SPIDR: variants seen among roughly 807,000 people sequenced by gnomAD.
SPIDR encodes DNA repair-scaffolding protein.
Under a neutral mutation model 104.6 loss-of-function variants are expected in SPIDR, and 93 were observed. The ratio of observed to expected loss-of-function variants is 0.89; its 90% CI spans 0.75 to 1.06. The LOEUF is 1.06. SPIDR is among the 50% of genes least tolerant of loss of function. The probability of loss-of-function intolerance (pLI) is 0.00; values close to 1 mark genes in which losing one functional copy is unlikely to be tolerated. For missense variants in SPIDR, 1,154 were observed against 1,111.2 expected (o/e 1.04, Z -0.55); for synonymous variants, 431 against 416.9 (o/e 1.03, Z -0.41).
chr8:47,643,518 T>G (rs1588734270), intron 10 of SPIDR, among the ~76,000 whole-genome samples: 1 of 17,462 alleles, frequency 5.7e-5, no homozygotes, highest in Non-Finnish European at 1.2e-4. Context: ...CTGGCTAGTG[T>G]TGTTGTTGTT....
intron 8 of SPIDR, among the ~76,000 whole-genome samples, chr8:47,587,149 C>A (rs1031516728): frequency 3.3e-5 from 5 of 152,150 alleles, no homozygotes; most frequent in African/African-American, 1.2e-4. Context: ...TAAAGATTTT[C>A]TCTTAAATTT....
At chr8:47,702,411 A>G (rs1453546229) in intron 14 of SPIDR, among the ~76,000 whole-genome samples, 4 of 152,108 alleles carry the variant, frequency 2.6e-5, no homozygotes, top group Non-Finnish European at 5.9e-5. Context: ...GAGAAACCTC[A>G]TTTATGTGGT....
At chr8:47,331,965 C>CTTTTTTTTTTTTTATTTTTTTTTT (rs2048749405) in intron 5 of SPIDR, among the ~76,000 whole-genome samples, 1 of 32,702 alleles carries the variant, frequency 3.1e-5, no homozygotes, top group Non-Finnish European at 6.6e-5. Context: ...TTTTTTTAAA[C>CTTTTTTTTTTTTTATTTTTTTTTT]TTTTTTTTTT....
intron 7 of SPIDR, among the ~76,000 whole-genome samples, chr8:47,434,807 A>G (rs561598834): frequency 3.0e-4 from 46 of 152,262 alleles, no homozygotes; most frequent in Non-Finnish European, 5.7e-4. Flanking sequence ...CTCATATATT[A>G]ATTCAATATA....
intron 11 of SPIDR, among the ~76,000 whole-genome samples, chr8:47,699,466 C>T (rs986133999): frequency 2.6e-5 from 4 of 152,172 alleles, no homozygotes; most frequent in Non-Finnish European, 5.9e-5. Flanking sequence ...AGAGCCAGGT[C>T]TCGGAAGTGC....
At chr8:47,502,802 CT>C (rs2154372033) in intron 8 of SPIDR, among the ~76,000 whole-genome samples, 1 of 152,342 alleles carries the variant, frequency 6.6e-6, no homozygotes, top group Non-Finnish European at 1.5e-5. Flanking sequence ...CTACACACTG[CT>C]TTGAATATGT....
At chr8:47,596,055 A>C (rs769825154) in intron 9 of SPIDR, 49 bp downstream of exon 9, 1 of 1,531,118 alleles carries the variant, frequency 6.5e-7, no homozygotes, top group South Asian at 1.2e-5. Flanking sequence ...AATGTTAGTG[A>C]CTGGATTTGG....
intron 11 of SPIDR, among the ~76,000 whole-genome samples, chr8:47,684,988 G>A (rs137921745): frequency 6.6e-6 from 1 of 152,346 alleles, no homozygotes; most frequent in East Asian, 1.9e-4. Flanking sequence ...AGAGGCTGAG[G>A]CAGGTGGATC....
chr8:47,526,062 A>G (rs767294464), intron 8 of SPIDR, among the ~76,000 whole-genome samples: 11 of 152,174 alleles, frequency 7.2e-5, no homozygotes, highest in Non-Finnish European at 1.3e-4. Flanking sequence ...GTCCTTACGA[A>G]TCTTGTATTC....
intron 7 of SPIDR, among the ~76,000 whole-genome samples, chr8:47,420,711 G>A (rs1385532565): frequency 2.0e-5 from 3 of 152,100 alleles, no homozygotes; most frequent in Admixed American, 1.3e-4. Context: ...TCTTAGCCTC[G>A]ATGGTCTTTA....
intron 10 of SPIDR, among the ~76,000 whole-genome samples, chr8:47,628,133 T>C (rs1476642744): frequency 6.6e-6 from 1 of 152,186 alleles, no homozygotes; most frequent in Admixed American, 6.6e-5. Flanking sequence ...AAAATATAGA[T>C]GGCTTTCCCT....
chr8:47,407,956 T>C lies in SPIDR; in HGVS notation c.872T>C (p.Leu291Pro), dbSNP rs2062976818. Residue 291 changes from leucine (L) to proline (P), a missense_variant, in exon 7 of 20, where the codon CTT (leucine) becomes CCT (proline). Leu to Pro is a moderately conservative substitution (Grantham distance 98). Transcript: ENST00000297423. Reference sequence around the variant, plus strand: ...CAATGTATTTCTTACCAAAAGACACTTTCAGGTAAGGCTTGTGCAGGAATC... The same window carrying C: ...CAATGTATTTCTTACCAAAAGACACCTTCAGGTAAGGCTTGTGCAGGAATC... ...RHQCISYQKT[L>P]SGRKSGVLTV... 6.4e-7 allele frequency: 1 copy of C among 1,568,526 alleles called. No homozygotes were observed. Among genetic ancestry groups the C allele is most frequent in the African/African-American group, 1.4e-5 (1 of 74,018 alleles).
At chr8:47,683,787 A>C (rs974431374) in intron 11 of SPIDR, among the ~76,000 whole-genome samples, 2 of 152,136 alleles carry the variant, frequency 1.3e-5, no homozygotes, top group African/African-American at 4.8e-5. Flanking sequence ...TTCAGGGCCA[A>C]GTGTTATTTT....
intron 8 of SPIDR, among the ~76,000 whole-genome samples, chr8:47,441,941 A>G (rs1374344831): frequency 6.6e-6 from 1 of 152,152 alleles, no homozygotes; most frequent in African/African-American, 2.4e-5. Flanking sequence ...TGCCTTTATC[A>G]TGTACTAAAT....
intron 5 of SPIDR, among the ~76,000 whole-genome samples, chr8:47,306,285 C>T (rs921533534): frequency 3.3e-5 from 5 of 151,932 alleles, no homozygotes; most frequent in Non-Finnish European, 5.9e-5. Flanking sequence ...GGATTATAGG[C>T]GCACGCCACC....
intron 8 of SPIDR, among the ~76,000 whole-genome samples, chr8:47,459,622 T>C (rs1554712188): frequency 6.6e-6 from 1 of 152,134 alleles, no homozygotes; most frequent in East Asian, 1.9e-4. Context: ...TTGTTTCAAT[T>C]TCATTTAGTT....
At chr8:47,471,807 T>G (rs1452296171) in intron 8 of SPIDR, among the ~76,000 whole-genome samples, 1 of 152,228 alleles carries the variant, frequency 6.6e-6, no homozygotes. Flanking sequence ...AAATTAGTTT[T>G]CTAACCCAAA....
chr8:47,378,559 G>A (rs1329074799), intron 5 of SPIDR, among the ~76,000 whole-genome samples: 1 of 152,150 alleles, frequency 6.6e-6, no homozygotes, highest in Admixed American at 6.5e-5. Flanking sequence ...CTGGTACATT[G>A]TGTATAAGAT....
At chr8:47,580,839 G>A (rs1035629209) in intron 8 of SPIDR, among the ~76,000 whole-genome samples, 3 of 152,132 alleles carry the variant, frequency 2.0e-5, no homozygotes, top group Non-Finnish European at 2.9e-5. Context: ...CCTTGCACAT[G>A]TCAGATACTG....
Sources: allele counts gnomAD v4.1 joint callset (sites outside exome capture counted in the v4.1 genomes callset), GRCh38; gene constraint gnomAD v4.1.1; transcripts MANE v1.5; gene names NCBI Gene and HGNC (gene_info 2026-07-23, HGNC 2026-07-21).